PANX1: variants seen among roughly 807,000 people sequenced by gnomAD.
The protein encoded by PANX1 is pannexin-1.
In PANX1, 30 loss-of-function variants were observed where a neutral mutation model predicts 38.7. The observed-to-expected ratio is 0.78, with a 90% confidence interval of 0.58 to 1.05. The LOEUF (loss-of-function observed/expected upper bound fraction) is 1.05, where lower values mean the gene tolerates loss of function less well. Ranked by LOEUF, PANX1 falls within the 50% of genes least tolerant of loss-of-function variation. The pLI is 0.00. For missense variants in PANX1, 551 were observed against 517.2 expected (o/e 1.07, Z -0.63); for synonymous variants, 230 against 212.2 (o/e 1.08, Z -0.73).
intron 2 of PANX1, among the ~76,000 whole-genome samples, chr11:94,167,876 A>T (rs573917253): frequency 6.6e-6 from 1 of 152,322 alleles, no homozygotes; most frequent in African/African-American, 2.4e-5. Context: ...AGTGAGAGGG[A>T]ATAATCAGCT....
chr11:94,135,978 C>A (rs749217248), intron 1 of PANX1, among the ~76,000 whole-genome samples: 17 of 152,118 alleles, frequency 1.1e-4, no homozygotes, highest in African/African-American at 3.9e-4. Context: ...AATATACTTA[C>A]AATTCATCTA....
chr11:94,164,188 GT>G (rs1327511978), intron 2 of PANX1, among the ~76,000 whole-genome samples: 4 of 151,196 alleles, frequency 2.6e-5, no homozygotes, highest in African/African-American at 9.7e-5. Flanking sequence ...TTTTATTGAT[GT>G]TTTGTATTTT....
intron 1 of PANX1, among the ~76,000 whole-genome samples, chr11:94,137,726 C>T (rs1201515196): frequency 1.3e-5 from 2 of 150,568 alleles, no homozygotes; most frequent in Non-Finnish European, 2.9e-5. Flanking sequence ...CTCTATAAAG[C>T]TCACACTCCT....
chr11:94,157,194 A>G (rs111385494), intron 2 of PANX1, among the ~76,000 whole-genome samples: 8,368 of 152,002 alleles, frequency 0.055, 792 homozygotes, highest in African/African-American at 0.19. Context: ...ACATACATGT[A>G]CATGTGTCTT....
chr11:94,170,737 T>C (rs1037135775), intron 2 of PANX1, among the ~76,000 whole-genome samples: 12 of 151,722 alleles, frequency 7.9e-5, no homozygotes, highest in Admixed American at 1.3e-4. Flanking sequence ...CCCACATCCT[T>C]CTTCAGATTT....
chr11:94,133,484 A>G lies in PANX1; in HGVS notation c.181+3991A>G, dbSNP rs369197814. On this transcript the variant is annotated intron_variant, in intron 1 of 4. Transcript: ENST00000227638. ...GTGATAGTGAGAATTACAAGCAGAA[A>G]CCCTCCTGAGGGAGTGGCAAGGAGA... Among the ~76,000 whole-genome samples the G allele has an allele frequency of 1.8e-3, 280 of 151,776 alleles. 6 individuals are homozygous for G. The South Asian group carries it at 0.057, about 31-fold the overall frequency.
chr11:94,130,149 G>T (rs1214342250), intron 1 of PANX1, among the ~76,000 whole-genome samples: 2 of 152,174 alleles, frequency 1.3e-5, no homozygotes, highest in African/African-American at 4.8e-5. Context: ...AGGATCACGT[G>T]GCTACGTGCC....
intron 1 of PANX1, among the ~76,000 whole-genome samples, chr11:94,148,749 G>T (rs185614258): frequency 3.3e-5 from 5 of 151,930 alleles, no homozygotes; most frequent in African/African-American, 9.7e-5. Context: ...AAATCATTTC[G>T]CAGACTTTTA....
chr11:94,156,510 G>A (rs1946950215), intron 2 of PANX1, among the ~76,000 whole-genome samples: 1 of 152,082 alleles, frequency 6.6e-6, no homozygotes, highest in South Asian at 2.1e-4. Flanking sequence ...GCTGTTCCTT[G>A]AGAATAAGGG....
chr11:94,181,086 A>G lies in PANX1; in HGVS notation c.*217A>G, dbSNP rs1947301974. On this transcript the variant is annotated 3_prime_UTR_variant, in exon 5 of 5. Transcript: ENST00000227638. ...CCATAGGAAGCACCTGAGAGATAGT[A>G]AACTGCAGCAAGTAACTATGTGTAA... 6 of 543,106 alleles carry G rather than the reference A, an allele frequency of 1.1e-5. No individual in the cohort carries two copies. The highest frequency in any genetic ancestry group is 6.2e-5 in the Admixed American group (2 of 32,516). The allele number at this position is 543,106 out of a possible 1,614,324, so 33.6% of individuals were successfully genotyped here.
In PANX1 at chr11:94,180,986, C is replaced by T. The variant is rs2134530743; in HGVS notation, c.*117C>T. On this transcript the variant is annotated 3_prime_UTR_variant, in exon 5 of 5. Transcript: ENST00000227638. ...CAATAAATGGTTCTTGGTGGAGATACTGAGCATGTCTTATTGAGTCCCTAA... is the reference window on the plus strand; with the variant it reads ...CAATAAATGGTTCTTGGTGGAGATATTGAGCATGTCTTATTGAGTCCCTAA... 2 of 675,964 alleles carry T rather than the reference C, an allele frequency of 3.0e-6. No homozygotes were observed. The highest frequency in any genetic ancestry group is 2.7e-5 in the East Asian group (1 of 37,546). 41.9% of individuals were successfully genotyped at this position (675,964 alleles called of 1,614,324 possible).
intron 1 of PANX1, among the ~76,000 whole-genome samples, chr11:94,150,110 C>G (rs559878317): frequency 1.3e-3 from 195 of 152,242 alleles, no homozygotes; most frequent in Admixed American, 4.3e-3. Flanking sequence ...GAAAGATGAG[C>G]CATTGAGGAA....
chr11:94,140,893 G>A (rs895809390), intron 1 of PANX1, among the ~76,000 whole-genome samples: 56 of 152,188 alleles, frequency 3.7e-4, no homozygotes, highest in African/African-American at 1.3e-3. Context: ...CAAAAACTTA[G>A]TAATAAGAAT....
chr11:94,153,438 A>G, intron 1 of PANX1, 53 bp from the exon 2 acceptor site: 14 of 1,593,380 alleles, frequency 8.8e-6, no homozygotes, highest in Non-Finnish European at 1.2e-5. Context: ...AGATGGGGAC[A>G]AGAGTCCAGG....
chr11:94,151,982 T>A (rs1333781562), intron 1 of PANX1, among the ~76,000 whole-genome samples: 3 of 152,124 alleles, frequency 2.0e-5, no homozygotes, highest in African/African-American at 7.2e-5. Context: ...CCTGAAAACA[T>A]CTCCATCACT....
chr11:94,150,870 C>A (rs1394889945), intron 1 of PANX1, among the ~76,000 whole-genome samples: 1 of 152,156 alleles, frequency 6.6e-6, no homozygotes, highest in Non-Finnish European at 1.5e-5. Flanking sequence ...CCTACTTAGA[C>A]CACACCCATT....
At position 94,181,252 on chromosome 11, in the gene PANX1, T is replaced by G. The variant is rs1303701506; in HGVS notation, c.*383T>G. On this transcript the variant is annotated 3_prime_UTR_variant, in exon 5 of 5. Coordinates refer to ENST00000227638, the MANE Select transcript of PANX1 (RefSeq NM_015368.4). The stretch of plus-strand genomic sequence containing the variant: ...TGGAAAACAAGCACTTTGGAAGATT[T>G]GTTTTGTTTTCATGGAATAATAATA... 2 of 179,500 alleles carry G rather than the reference T, an allele frequency of 1.1e-5. No homozygotes were observed. Among genetic ancestry groups the G allele is most frequent in the Non-Finnish European group, 1.2e-5 (1 of 84,780 alleles). The allele number at this position is 179,500 out of a possible 1,614,324, so 11.1% of individuals were successfully genotyped here. A position where few individuals can be genotyped will look rare whatever the true frequency, so the allele number is the denominator to read the frequency against.
chr11:94,159,645 C>G (rs1946998175), intron 2 of PANX1, among the ~76,000 whole-genome samples: 3 of 152,120 alleles, frequency 2.0e-5, no homozygotes, highest in Non-Finnish European at 2.9e-5. Flanking sequence ...TGCTAGCGGT[C>G]TATCAATTTT....
chr11:94,136,565 G>C (rs1000694006), intron 1 of PANX1, among the ~76,000 whole-genome samples: 1 of 152,146 alleles, frequency 6.6e-6, no homozygotes, highest in Non-Finnish European at 1.5e-5. Context: ...CGGATCACGA[G>C]GTCAGGAGAT....
Sources: allele counts gnomAD v4.1 joint callset (sites outside exome capture counted in the v4.1 genomes callset), GRCh38; gene constraint gnomAD v4.1.1; transcripts MANE v1.5; gene names NCBI Gene and HGNC (gene_info 2026-07-23, HGNC 2026-07-21).